CADPS2: variants seen among roughly 807,000 people sequenced by gnomAD.
CADPS2 encodes calcium-dependent secretion activator 2.
A neutral mutation model predicts 172.5 loss-of-function variants in CADPS2; 93 were observed. The ratio of observed to expected loss-of-function variants is 0.54; its 90% CI spans 0.46 to 0.64. The LOEUF (loss-of-function observed/expected upper bound fraction) is 0.64, where lower values mean the gene tolerates loss of function less well. CADPS2 is among the 30% of genes least tolerant of loss of function. CADPS2 has a pLI of 0.00. For missense variants in CADPS2, 1,420 were observed against 1,565.9 expected (o/e 0.91, Z 1.57); for synonymous variants, 546 against 555.2 (o/e 0.98, Z 0.23).
chr7:122,509,136 T>C (rs1442287547), intron 9 of CADPS2, among the ~76,000 whole-genome samples: 1 of 152,148 alleles, frequency 6.6e-6, no homozygotes, highest in Admixed American at 6.5e-5. Context: ...CAGGTGGTAG[T>C]TTCATTCTCA....
intron 6 of CADPS2, among the ~76,000 whole-genome samples, chr7:122,610,322 G>GT (rs1458640962): frequency 7.1e-6 from 1 of 141,142 alleles, no homozygotes; most frequent in Non-Finnish European, 1.6e-5. Flanking sequence ...TTTACTATTT[G>GT]TAAAAAAAAA....
At chr7:122,431,897 G>T (rs1196717720) in intron 17 of CADPS2, among the ~76,000 whole-genome samples, 2 of 138,180 alleles carry the variant, frequency 1.4e-5, no homozygotes, top group Non-Finnish European at 3.1e-5. Context: ...CACCAGCCTG[G>T]GTGACGAAGC....
At position 122,334,201 on chromosome 7, in the gene CADPS2, T is replaced by TAC. The variant is rs549656556; in HGVS notation, c.3613-8622_3613-8621dup. ...TCATATCTATGTACATATATGAGAA[T>TAC]ACACACACACACACACTCACTCACA... On this transcript the variant is annotated intron_variant, in intron 28 of 29. Transcript: ENST00000449022. Among the ~76,000 whole-genome samples, 1,462 of 151,428 alleles carry TAC rather than the reference T, an allele frequency of 9.7e-3. 11 individuals are homozygous for TAC. Among genetic ancestry groups the TAC allele is most frequent in the East Asian group, 0.018 (95 of 5,158 alleles).
At chr7:122,724,728 GT>G (rs915100448) in intron 2 of CADPS2, among the ~76,000 whole-genome samples, 13 of 150,984 alleles carry the variant, frequency 8.6e-5, no homozygotes, top group Non-Finnish European at 1.9e-4. Context: ...AACTCGCAAC[GT>G]TTTTTCACCT....
rs1226083016 is a variant in CADPS2 at position 122,849,744 on chromosome 7, C to G, written c.339+36255G>C. ...AGCCAATACTATTTCTCAGTAGAAG[C>G]TCCAACAATGGCCAGTAAAAACTGT... On this transcript the variant is annotated intron_variant, in intron 1 of 29. Transcript: ENST00000449022. 1.2e-5 allele frequency: 5 copies of G among 413,142 alleles called. No individual in the cohort carries two copies. The East Asian group carries it at 3.8e-4, about 31-fold the overall frequency. 25.6% of individuals were successfully genotyped at this position (413,142 alleles called of 1,614,324 possible).
At chr7:122,682,807 G>C (rs552746633) in intron 2 of CADPS2, among the ~76,000 whole-genome samples, 16 of 152,310 alleles carry the variant, frequency 1.1e-4, no homozygotes, top group African/African-American at 3.6e-4. Flanking sequence ...TTCCTCATCA[G>C]TGGAATACAG....
intron 2 of CADPS2, 32 bp downstream of exon 2, chr7:122,736,923 G>C: frequency 1.8e-6 from 2 of 1,136,830 alleles, no homozygotes; most frequent in Non-Finnish European, 2.6e-6. Flanking sequence ...AAAATGCATC[G>C]GAAAGCCAAA....
intron 11 of CADPS2, among the ~76,000 whole-genome samples, chr7:122,481,635 G>A (rs1367959411): frequency 1.3e-5 from 2 of 151,480 alleles, no homozygotes; most frequent in South Asian, 2.1e-4. Context: ...AGCTACTTGG[G>A]AGGCTGAGGC....
intron 1 of CADPS2, among the ~76,000 whole-genome samples, chr7:122,777,175 A>G (rs1361599910): frequency 6.6e-6 from 1 of 152,188 alleles, no homozygotes; most frequent in Admixed American, 6.5e-5. Context: ...ATTAAGTAAA[A>G]GAATAACAAG....
At chr7:122,608,320 T>C (rs2073861248) in intron 6 of CADPS2, among the ~76,000 whole-genome samples, 1 of 152,198 alleles carries the variant, frequency 6.6e-6, no homozygotes, top group East Asian at 1.9e-4. Flanking sequence ...ACTTCAAAAA[T>C]AATTCTGACA....
chr7:122,397,302 AAG>A (rs1399589040), intron 20 of CADPS2, among the ~76,000 whole-genome samples: 10 of 152,144 alleles, frequency 6.6e-5, no homozygotes, highest in Non-Finnish European at 1.3e-4. Context: ...GAATTCAGCA[AAG>A]AGTTATTTTT....
At chr7:122,496,366 T>C (rs1172983640) in intron 9 of CADPS2, among the ~76,000 whole-genome samples, 2 of 152,188 alleles carry the variant, frequency 1.3e-5, no homozygotes, top group Non-Finnish European at 2.9e-5. Context: ...TTTCACCATG[T>C]TGGCCAGGCT....
chr7:122,734,356 TAAAA>T (rs558421546), intron 2 of CADPS2, among the ~76,000 whole-genome samples: 9 of 46,276 alleles, frequency 1.9e-4, no homozygotes, highest in South Asian at 2.5e-3. Context: ...CCAGAAATAG[TAAAA>T]AAAAAAAAAA....
At chr7:122,850,723 G>C (rs1813336774) in intron 1 of CADPS2, among the ~76,000 whole-genome samples, 1 of 152,186 alleles carries the variant, frequency 6.6e-6, no homozygotes, top group African/African-American at 2.4e-5. Flanking sequence ...GCAGGCTGGA[G>C]CTAAGGCCTT....
intron 3 of CADPS2, among the ~76,000 whole-genome samples, chr7:122,645,971 T>C (rs542867491): frequency 3.3e-4 from 50 of 151,920 alleles, no homozygotes; most frequent in African/African-American, 1.2e-3. Context: ...CTTATCTCAA[T>C]AAAATAGTTG....
chr7:122,803,718 A>G (rs1798142504), intron 1 of CADPS2, among the ~76,000 whole-genome samples: 1 of 152,136 alleles, frequency 6.6e-6, no homozygotes, highest in Non-Finnish European at 1.5e-5. Flanking sequence ...ATCGGTGGTG[A>G]TAAAAATTTA....
intron 1 of CADPS2, among the ~76,000 whole-genome samples, chr7:122,866,878 T>A (rs1818450114): frequency 6.6e-6 from 1 of 152,122 alleles, no homozygotes; most frequent in Non-Finnish European, 1.5e-5. Context: ...GCCTAAAAAA[T>A]TCATATAAGC....
intron 27 of CADPS2, among the ~76,000 whole-genome samples, chr7:122,358,414 G>A (rs2039702143): frequency 1.3e-5 from 2 of 151,848 alleles, no homozygotes; most frequent in African/African-American, 4.8e-5. Flanking sequence ...CCCATTTGTG[G>A]CTTTTCTTTC....
At chr7:122,719,019 T>A (rs1383966450) in intron 2 of CADPS2, among the ~76,000 whole-genome samples, 1 of 151,816 alleles carries the variant, frequency 6.6e-6, no homozygotes, top group Admixed American at 6.6e-5. Context: ...ATGTACACAA[T>A]TTTGAGGAAG....
Sources: gnomAD v4.1 joint callset for allele counts (sites outside exome capture counted in the v4.1 genomes callset) on GRCh38, gnomAD v4.1.1 for gene constraint, MANE v1.5 for transcripts, NCBI Gene and HGNC (gene_info 2026-07-23, HGNC 2026-07-21) for gene names.